Variants in TRIO observed in about 807,000 individuals in gnomAD.
The protein encoded by TRIO is trio Rho guanine nucleotide exchange factor.
In TRIO, 58 loss-of-function variants were observed where a neutral mutation model predicts 351.9. The observed-to-expected ratio is 0.16, with a 90% CI of 0.13 to 0.21. TRIO has a LOEUF of 0.21. Ranked by LOEUF, TRIO falls within the 10% of genes least tolerant of loss-of-function variation. The probability of loss-of-function intolerance (pLI) is 1.00; values close to 1 mark genes in which losing one functional copy is unlikely to be tolerated. For synonymous variants in TRIO, 1,758 were observed against 1,595.7 expected (o/e 1.10, Z -2.42); for missense variants, 3,201 against 4,027.8 (o/e 0.79, Z 5.56).
chr5:14,467,081 C>T (rs1323594571), intron 37 of TRIO, among the ~76,000 whole-genome samples: 1 of 152,124 alleles, frequency 6.6e-6, no homozygotes, highest in Non-Finnish European at 1.5e-5. Flanking sequence ...CTTGACTAGC[C>T]ACTAAGGGTC....
intron 8 of TRIO, among the ~76,000 whole-genome samples, chr5:14,311,594 A>G (rs979462659): frequency 1.3e-5 from 2 of 152,194 alleles, no homozygotes; most frequent in African/African-American, 4.8e-5. Flanking sequence ...TGGCCAAGGA[A>G]TGTCAACTGT....
intron 17 of TRIO, 89 bp downstream of exon 17, chr5:14,368,988 C>T: frequency 6.9e-7 from 1 of 1,445,386 alleles, no homozygotes; most frequent in African/African-American, 1.4e-5. Flanking sequence ...TTAACATGTT[C>T]ATCGTTATTG....
At chr5:14,243,554 C>A (rs1255423449) in intron 1 of TRIO, among the ~76,000 whole-genome samples, 1 of 151,950 alleles carries the variant, frequency 6.6e-6, no homozygotes, top group African/African-American at 2.4e-5. Context: ...AAATAGAGGT[C>A]ATAATGACAA....
chr5:14,369,313 A>G (rs1165525291), intron 17 of TRIO, 61 bp from the exon 18 acceptor site: 2 of 1,532,588 alleles, frequency 1.3e-6, no homozygotes, highest in Middle Eastern at 1.8e-4. Context: ...AGGGCTTTCC[A>G]GGGATACCAG....
At chr5:14,187,320 A>G (rs910283332) in intron 1 of TRIO, among the ~76,000 whole-genome samples, 1 of 152,232 alleles carries the variant, frequency 6.6e-6, no homozygotes, top group Non-Finnish European at 1.5e-5. Context: ...ACGGAAAAGC[A>G]GAAGTTGCTA....
intron 11 of TRIO, among the ~76,000 whole-genome samples, chr5:14,339,597 A>C (rs1232787129): frequency 1.3e-5 from 2 of 152,168 alleles, no homozygotes; most frequent in African/African-American, 2.4e-5. Flanking sequence ...ACTTGTGTGC[A>C]CGTCACGTAA....
rs1561201607 is a variant in TRIO at position 14,207,289 on chromosome 5, ACAGCCAGGTAGCATAGCAAGACTGTCTCT to A, written c.157+63410_157+63438del. 4.4e-3 allele frequency among the ~76,000 whole-genome samples: 191 copies of A among 42,932 alleles called. 24 individuals carry two copies. Among genetic ancestry groups the A allele is most frequent in the East Asian group, 7.5e-3 (5 of 664 alleles). 28.2% of individuals were successfully genotyped at this position (42,932 alleles called of 152,430 possible). A position where few individuals can be genotyped will look rare whatever the true frequency, so the allele number is the denominator to read the frequency against. On this transcript the variant is annotated intron_variant, in intron 1 of 56. Transcript: ENST00000344204. Reference sequence around the variant, plus strand: ...CACACACACACACACACACACACACACAGCCAGGTAGCATAGCAAGACTGTCTCTCACACACACACACACACACACACAC... The same window carrying A: ...CACACACACACACACACACACACACACACACACACACACACACACACACAC...
chr5:14,476,424 T>G (rs184882597), intron 40 of TRIO, among the ~76,000 whole-genome samples: 14 of 152,356 alleles, frequency 9.2e-5, no homozygotes, highest in Non-Finnish European at 1.9e-4. Flanking sequence ...TTCCTTGTAC[T>G]TGTTAAGTTT....
chr5:14,443,726 G>A (rs184074375), intron 34 of TRIO, among the ~76,000 whole-genome samples: 2 of 152,356 alleles, frequency 1.3e-5, no homozygotes, highest in East Asian at 3.9e-4. Flanking sequence ...TGTTTTATGT[G>A]CTGACATTGC....
chr5:14,248,570 G>A (rs1239765563), intron 1 of TRIO, among the ~76,000 whole-genome samples: 1 of 152,238 alleles, frequency 6.6e-6, no homozygotes, highest in African/African-American at 2.4e-5. Flanking sequence ...TGGAACAGAA[G>A]GCAGCTCAGG....
chr5:14,275,689 G>T (rs889486820), intron 2 of TRIO, among the ~76,000 whole-genome samples: 4 of 149,990 alleles, frequency 2.7e-5, no homozygotes, highest in Admixed American at 1.3e-4. Context: ...AATGTAATAG[G>T]CCTCATTTTC....
chr5:14,402,892 G>A lies in TRIO; in HGVS notation c.4716+1828G>A, dbSNP rs577622525. On this transcript the variant is annotated intron_variant, in intron 31 of 56. Transcript: ENST00000344204. ...AGTGTAGATGGTGGTGAGGGTTTAG[G>A]TGTTGATGGTGAGGGTACAGATTTT... is the stretch of plus-strand genomic sequence containing the variant. Among the ~76,000 whole-genome samples the A allele has an allele frequency of 5.3e-5, 8 of 151,970 alleles. No homozygotes were observed. In the South Asian group the frequency reaches 1.7e-3, roughly 32 times the overall value.
intron 1 of TRIO, among the ~76,000 whole-genome samples, chr5:14,248,065 C>A (rs1219943003): frequency 3.0e-3 from 396 of 132,206 alleles, no homozygotes; most frequent in East Asian, 4.8e-3. Flanking sequence ...GACTCCGTCT[C>A]AAAAAAAAAA....
intron 28 of TRIO, among the ~76,000 whole-genome samples, chr5:14,394,545 AC>A (rs1465726663): frequency 1.3e-5 from 2 of 152,112 alleles, no homozygotes; most frequent in Non-Finnish European, 2.9e-5. Flanking sequence ...CCACTCAAAC[AC>A]GTTAACAGGC....
At chr5:14,200,409 T>C (rs936680696) in intron 1 of TRIO, among the ~76,000 whole-genome samples, 3 of 152,244 alleles carry the variant, frequency 2.0e-5, no homozygotes, top group African/African-American at 4.8e-5. Flanking sequence ...AGAATCCTAA[T>C]TGTGCTGATT....
At chr5:14,329,869 TAAG>T (rs1740749233) in intron 9 of TRIO, among the ~76,000 whole-genome samples, 1 of 152,186 alleles carries the variant, frequency 6.6e-6, no homozygotes, top group Non-Finnish European at 1.5e-5. Flanking sequence ...TATGGGTGCC[TAAG>T]TCCTGCATTT....
intron 1 of TRIO, among the ~76,000 whole-genome samples, chr5:14,164,916 G>T (rs530133019): frequency 3.3e-4 from 51 of 152,282 alleles, no homozygotes; most frequent in Non-Finnish European, 5.6e-4. Context: ...GGCACGTAAG[G>T]CTCCTGGGAA....
chr5:14,465,817 C>T, intron 37 of TRIO, 177 bp downstream of exon 37: 2 of 639,684 alleles, frequency 3.1e-6, no homozygotes, highest in Non-Finnish European at 2.8e-6. Flanking sequence ...ACTCAGAGAA[C>T]TCAGGAAAGC....
chr5:14,462,931 G>T lies in TRIO; in HGVS notation c.5667+6G>T. ...CAGACTCACAGGATGACAAGGTAAA[G>T]GGGGATGAGGGCTGGGGAATCCATG... On this transcript the variant is annotated splice_donor_region_variant and intron_variant, in intron 36 of 56. Coordinates refer to ENST00000344204, the MANE Select transcript of TRIO (RefSeq NM_007118.4). The T allele has an allele frequency of 1.3e-6, 2 of 1,577,276 alleles. No homozygotes were observed. The highest frequency in any genetic ancestry group is 1.4e-5 in the African/African-American group (1 of 74,010).
Sources: gnomAD v4.1 joint callset for allele counts (sites outside exome capture counted in the v4.1 genomes callset) on GRCh38, gnomAD v4.1.1 for gene constraint, MANE v1.5 for transcripts, NCBI Gene and HGNC (gene_info 2026-07-23, HGNC 2026-07-21) for gene names.